SPIRE1: variants seen among roughly 807,000 people sequenced by gnomAD.
SPIRE1 encodes the protein protein spire homolog 1.
Under a neutral mutation model 94.1 loss-of-function variants are expected in SPIRE1, and 40 were observed. The ratio of observed to expected loss-of-function variants is 0.43; its 90% confidence interval spans 0.33 to 0.55. SPIRE1 has a LOEUF of 0.55. Ranked by LOEUF, SPIRE1 falls within the 20% of genes least tolerant of loss-of-function variation. The pLI, the probability that SPIRE1 is intolerant of heterozygous loss-of-function variation, is 0.06. For missense variants in SPIRE1, 838 were observed against 975.2 expected (o/e 0.86, Z 1.87); for synonymous variants, 376 against 371.7 (o/e 1.01, Z -0.13).
At chr18:12,497,559 T>C (rs2033504027) in intron 6 of SPIRE1, among the ~76,000 whole-genome samples, 1 of 152,048 alleles carries the variant, frequency 6.6e-6, no homozygotes, top group South Asian at 2.1e-4. Context: ...CCTATGCTAG[T>C]CCTCCCTCTC....
At chr18:12,532,566 C>T (rs73407511) in intron 4 of SPIRE1, among the ~76,000 whole-genome samples, 7,287 of 152,218 alleles carry the variant, frequency 0.048, 194 homozygotes, top group South Asian at 0.096. Flanking sequence ...AAAAATTCCA[C>T]TTGGTACACA....
intron 2 of SPIRE1, among the ~76,000 whole-genome samples, chr18:12,626,960 G>T (rs2037648929): frequency 7.7e-6 from 1 of 129,740 alleles, no homozygotes; most frequent in Admixed American, 8.2e-5. Context: ...GAACTCTTTT[G>T]TTATTTACAT....
intron 7 of SPIRE1, 48 bp from the exon 8 acceptor site, chr18:12,493,249 T>C: frequency 6.4e-7 from 1 of 1,558,688 alleles, no homozygotes. Flanking sequence ...TAAGTAATTT[T>C]TACTGAAGTC....
At chr18:12,452,984 G>A in intron 14 of SPIRE1, 84 bp downstream of exon 14, 1 of 852,372 alleles carries the variant, frequency 1.2e-6, no homozygotes, top group East Asian at 2.5e-5. Flanking sequence ...TTCCTGTTTA[G>A]AAAGATGGTG....
chr18:12,478,836 C>T (rs1362519659), intron 10 of SPIRE1, among the ~76,000 whole-genome samples: 1 of 152,040 alleles, frequency 6.6e-6, no homozygotes, highest in Admixed American at 6.6e-5. Flanking sequence ...ATGTTGACAT[C>T]AGGAAGGATA....
chr18:12,650,562 T>A (rs1453896206), intron 1 of SPIRE1, among the ~76,000 whole-genome samples: 1 of 151,620 alleles, frequency 6.6e-6, no homozygotes, highest in Non-Finnish European at 1.5e-5. Context: ...TACAAAAAAT[T>A]AGCTGGGCGT....
chr18:12,608,936 G>C (rs1297538338), intron 2 of SPIRE1, among the ~76,000 whole-genome samples: 1 of 152,142 alleles, frequency 6.6e-6, no homozygotes, highest in African/African-American at 2.4e-5. Flanking sequence ...TGGCACCAGG[G>C]ACGGTTACAC....
intron 4 of SPIRE1, among the ~76,000 whole-genome samples, chr18:12,529,994 A>T (rs2034639213): frequency 6.6e-6 from 1 of 152,142 alleles, no homozygotes; most frequent in South Asian, 2.1e-4. Context: ...GCCTATACTG[A>T]CATCAATATA....
intron 10 of SPIRE1, among the ~76,000 whole-genome samples, chr18:12,476,446 C>T (rs1383661240): frequency 6.8e-6 from 1 of 146,870 alleles, no homozygotes; most frequent in Non-Finnish European, 1.5e-5. Flanking sequence ...GAGGCTGAGA[C>T]AGGAGAATCG....
intron 4 of SPIRE1, among the ~76,000 whole-genome samples, chr18:12,512,820 A>C (rs1442937327): frequency 1.4e-5 from 2 of 144,682 alleles, no homozygotes; most frequent in Admixed American, 7.1e-5. Flanking sequence ...TTTCATCTCT[A>C]CTACAAATCC....
intron 6 of SPIRE1, among the ~76,000 whole-genome samples, chr18:12,498,314 C>A (rs2033533240): frequency 6.6e-6 from 1 of 152,156 alleles, no homozygotes; most frequent in Non-Finnish European, 1.5e-5. Context: ...GAAATGATTC[C>A]TGGATGAACA....
At chr18:12,471,538 G>A (rs2032360860) in intron 10 of SPIRE1, among the ~76,000 whole-genome samples, 1 of 151,938 alleles carries the variant, frequency 6.6e-6, no homozygotes, top group Non-Finnish European at 1.5e-5. Flanking sequence ...TGGCCAGGCT[G>A]GTCTTGAACT....
At chr18:12,511,453 C>A (rs1164843105) in intron 5 of SPIRE1, among the ~76,000 whole-genome samples, 2 of 152,186 alleles carry the variant, frequency 1.3e-5, no homozygotes, top group Non-Finnish European at 2.9e-5. Flanking sequence ...GGAACAGTTT[C>A]ATCTTGAAAC....
At chr18:12,633,989 CTGTAA>C (rs1381351176) in intron 2 of SPIRE1, among the ~76,000 whole-genome samples, 4 of 152,180 alleles carry the variant, frequency 2.6e-5, no homozygotes, top group Non-Finnish European at 5.9e-5. Context: ...TGGCTCATGC[CTGTAA>C]TCCCAGCACT....
chr18:12,606,149 GC>G (rs1171276046), intron 2 of SPIRE1, among the ~76,000 whole-genome samples: 2 of 150,114 alleles, frequency 1.3e-5, no homozygotes, highest in Non-Finnish European at 3.0e-5. Context: ...TCTATCCCTT[GC>G]CCCCCCTTTA....
chr18:12,548,878 GTGC>G (rs1383889954), intron 2 of SPIRE1, among the ~76,000 whole-genome samples: 5 of 152,142 alleles, frequency 3.3e-5, no homozygotes, highest in Admixed American at 2.6e-4. Context: ...GCCTCTCAAA[GTGC>G]TAGGATTACA....
chr18:12,653,733 G>T (rs1190296119), intron 1 of SPIRE1, among the ~76,000 whole-genome samples: 2 of 152,078 alleles, frequency 1.3e-5, no homozygotes, highest in Non-Finnish European at 2.9e-5. Context: ...GGATCACTGA[G>T]GTCGGGAGTT....
intron 10 of SPIRE1, among the ~76,000 whole-genome samples, chr18:12,472,034 C>T (rs2032382243): frequency 6.6e-6 from 1 of 152,160 alleles, no homozygotes; most frequent in African/African-American, 2.4e-5. Flanking sequence ...ATCTGCCCAC[C>T]TTGGCCTCCC....
At chr18:12,651,405 G>A (rs9957278) in intron 1 of SPIRE1, among the ~76,000 whole-genome samples, 86 of 152,152 alleles carry the variant, frequency 5.7e-4, no homozygotes, top group African/African-American at 1.8e-3. Context: ...TGCTGGGTGC[G>A]GTGGCTCACG....
Sources: gnomAD v4.1 joint callset for allele counts (sites outside exome capture counted in the v4.1 genomes callset) on GRCh38, gnomAD v4.1.1 for gene constraint, MANE v1.5 for transcripts, NCBI Gene and HGNC (gene_info 2026-07-23, HGNC 2026-07-21) for gene names.